Variants in ABCA4 observed in about 807,000 individuals in gnomAD.
The protein encoded by ABCA4 is ATP binding cassette subfamily A member 4.
A neutral mutation model predicts 263.7 loss-of-function variants in ABCA4; 196 were observed. The observed-to-expected ratio is 0.74, with a 90% CI of 0.66 to 0.84. The LOEUF (loss-of-function observed/expected upper bound fraction) is 0.84. Ranked by LOEUF, ABCA4 falls within the 40% of genes least tolerant of loss-of-function variation. The pLI, the probability that ABCA4 is intolerant of heterozygous loss-of-function variation, is 0.00. For synonymous variants in ABCA4, 1,133 were observed against 1,094.2 expected (o/e 1.04, Z -0.70); for missense variants, 2,792 against 2,855.1 (o/e 0.98, Z 0.50).
intron 3 of ABCA4, among the ~76,000 whole-genome samples, chr1:94,109,632 T>C (rs1184001238): frequency 6.6e-6 from 1 of 151,686 alleles, no homozygotes; most frequent in African/African-American, 2.4e-5. Flanking sequence ...TGGAGAGAGG[T>C]GAATGGAGTA....
chr1:94,073,272 C>G (rs369961735), intron 11 of ABCA4, among the ~76,000 whole-genome samples: 48 of 152,314 alleles, frequency 3.2e-4, no homozygotes, highest in African/African-American at 1.1e-3. Flanking sequence ...CCTCCTCCCC[C>G]ACCCCAAGGG....
At chr1:94,051,500 G>T in intron 17 of ABCA4, 133 bp downstream of exon 17, 1 of 810,504 alleles carries the variant, frequency 1.2e-6, no homozygotes, top group Non-Finnish European at 2.1e-6. Context: ...AAGGGGCAGA[G>T]CCCCAGGAGG....
chr1:94,105,289 T>A (rs1029218274), intron 4 of ABCA4, among the ~76,000 whole-genome samples: 1 of 152,246 alleles, frequency 6.6e-6, no homozygotes, highest in African/African-American at 2.4e-5. Context: ...CGTTATTCTT[T>A]AACTCACTCA....
At chr1:94,014,395 G>A in intron 38 of ABCA4, 148 bp downstream of exon 38, 3 of 862,292 alleles carry the variant, frequency 3.5e-6, no homozygotes, top group East Asian at 2.5e-5. Context: ...GGAAGGAAAG[G>A]AGGCAGGGTC....
At chr1:94,091,343 C>A (rs961206793) in intron 6 of ABCA4, among the ~76,000 whole-genome samples, 1 of 152,022 alleles carries the variant, frequency 6.6e-6, no homozygotes, top group African/African-American at 2.4e-5. Flanking sequence ...TGCCTAGTCC[C>A]GAGGGAGCCC....
At chr1:94,002,119 C>T (rs968842923) in intron 44 of ABCA4, 127 bp from the exon 45 acceptor site, 3 of 1,349,782 alleles carry the variant, frequency 2.2e-6, no homozygotes, top group East Asian at 4.8e-5. Flanking sequence ...CTGAAACAGG[C>T]TCCTGCTGGC....
Position 94,069,385 on chromosome 1 carries a change from T to A in ABCA4, c.1555-6068A>T, listed in dbSNP as rs17110985. 4.4e-3 allele frequency among the ~76,000 whole-genome samples: 667 copies of A among 152,326 alleles called. 4 individuals carry two copies. Among genetic ancestry groups the A allele is most frequent in the African/African-American group, 0.015 (639 of 41,584 alleles). On this transcript the variant is annotated intron_variant, in intron 11 of 49. Transcript: ENST00000370225. ...AGTGGGGAGCAACCCTGTGCTGACGTGGCATAAGAGGACATATTTTGACGA... is the reference window on the plus strand; with the variant it reads ...AGTGGGGAGCAACCCTGTGCTGACGAGGCATAAGAGGACATATTTTGACGA...
chr1:94,093,447 C>T (rs1662031083), intron 6 of ABCA4, among the ~76,000 whole-genome samples: 1 of 152,176 alleles, frequency 6.6e-6, no homozygotes, highest in Non-Finnish European at 1.5e-5. Context: ...GAAGCCAAAA[C>T]CTTTCTTAAA....
At chr1:94,006,496 T>A (rs1659390666) in intron 43 of ABCA4, among the ~76,000 whole-genome samples, 1 of 152,236 alleles carries the variant, frequency 6.6e-6, no homozygotes. Flanking sequence ...GAAAATTCTA[T>A]GATATCTTTC....
At chr1:94,118,833 C>T (rs1662870382) in intron 1 of ABCA4, among the ~76,000 whole-genome samples, 1 of 152,158 alleles carries the variant, frequency 6.6e-6, no homozygotes. Context: ...AGGGAGGGCA[C>T]CAGAGCATTC....
intron 23 of ABCA4, 103 bp from the exon 24 acceptor site, chr1:94,040,230 T>C: frequency 3.2e-6 from 3 of 925,122 alleles, no homozygotes; most frequent in Non-Finnish European, 5.2e-6. Flanking sequence ...TATTTCTCAC[T>C]GCCAAGTGTA....
intron 47 of ABCA4, among the ~76,000 whole-genome samples, chr1:93,999,959 C>T (rs971792440): frequency 9.9e-5 from 15 of 152,234 alleles, no homozygotes; most frequent in African/African-American, 1.7e-4. Context: ...ATGGGTCAAA[C>T]GTCCACTTGC....
chr1:94,087,428 A>C (rs1013325294), intron 6 of ABCA4, among the ~76,000 whole-genome samples: 1 of 152,208 alleles, frequency 6.6e-6, no homozygotes, highest in African/African-American at 2.4e-5. Context: ...CCTCCCATGC[A>C]TACAGGGTGA....
At chr1:94,014,169 T>A (rs12083701) in intron 38 of ABCA4, among the ~76,000 whole-genome samples, 36,142 of 149,602 alleles carry the variant, frequency 0.24, 4,696 homozygotes, top group African/African-American at 0.3. Context: ...ATGAAAAAGG[T>A]GCTTATAGGA....
rs374610040 is a variant in ABCA4 at position 94,040,071 on chromosome 1, A to T, written c.3579T>A (p.Asp1193Glu). 4.4e-6 allele frequency: 7 copies of T among 1,609,086 alleles called. No homozygotes were observed. The highest frequency in any genetic ancestry group is 1.1e-5 in the South Asian group (1 of 89,738). The change falls in exon 24 of 50, where the codon GAT becomes GAA. Residue 1193 changes from aspartate to glutamate, a missense_variant. Coordinates refer to ENST00000370225, the MANE Select transcript of ABCA4 (RefSeq NM_000350.3). Reference protein sequence around the residue: ...GFSTTCPAHVDDLTPEQVLDG... With the variant: ...GFSTTCPAHVEDLTPEQVLDG... ...CCAGGACTTGTTCTGGAGTTAGGTC[A>T]TCGACGTGGGCTGGACACGTGGTGG... is the stretch of plus-strand genomic sequence containing the variant.
At chr1:94,112,194 T>C (rs369736499) in intron 2 of ABCA4, among the ~76,000 whole-genome samples, 2 of 151,966 alleles carry the variant, frequency 1.3e-5, no homozygotes, top group Non-Finnish European at 2.9e-5. Flanking sequence ...AGGGGCAGAG[T>C]GTAAAAGAGG....
chr1:94,094,193 G>A (rs893915148), intron 6 of ABCA4, among the ~76,000 whole-genome samples: 1 of 152,158 alleles, frequency 6.6e-6, no homozygotes. Flanking sequence ...AAATGCATAG[G>A]TGAAGTTTAA....
At chr1:94,028,766 C>T (rs1056435274) in intron 30 of ABCA4, among the ~76,000 whole-genome samples, 8 of 151,738 alleles carry the variant, frequency 5.3e-5, no homozygotes, top group South Asian at 2.1e-4. Context: ...AAAAATTAGG[C>T]GGGCATGATG....
intron 16 of ABCA4, 78 bp downstream of exon 16, chr1:94,055,033 A>C: frequency 7.2e-7 from 1 of 1,394,066 alleles, no homozygotes; most frequent in Non-Finnish European, 1.0e-6. Context: ...GAAGAAATGA[A>C]ATTTAAACTA....
Sources: gnomAD v4.1 joint callset for allele counts (sites outside exome capture counted in the v4.1 genomes callset) on GRCh38, gnomAD v4.1.1 for gene constraint, MANE v1.5 for transcripts, NCBI Gene and HGNC (gene_info 2026-07-23, HGNC 2026-07-21) for gene names.